The following FGF14 variants were observed in gnomAD, a reference collection of about 807,000 sequenced individuals.
The protein encoded by FGF14 is fibroblast growth factor homologous factor 4.
A neutral mutation model predicts 25.5 loss-of-function variants in FGF14; 5 were observed. The ratio of observed to expected loss-of-function variants is 0.20; its 90% confidence interval spans 0.10 to 0.41. The LOEUF is 0.41. Ranked by LOEUF, FGF14 falls within the 10% of genes least tolerant of loss-of-function variation. FGF14 has a pLI of 1.00. For synonymous variants in FGF14, 138 were observed against 118.3 expected (o/e 1.17, Z -1.08); for missense variants, 222 against 320.1 (o/e 0.69, Z 2.34).
At chr13:102,125,433 G>C (rs1434243364) in intron 1 of FGF14, among the ~76,000 whole-genome samples, 1 of 152,072 alleles carries the variant, frequency 6.6e-6, no homozygotes, top group African/African-American at 2.4e-5. Flanking sequence ...TAGAATCATA[G>C]AGCCAATTCT....
chr13:101,750,573 A>AC (rs2037204794), intron 3 of FGF14, among the ~76,000 whole-genome samples: 1 of 152,196 alleles, frequency 6.6e-6, no homozygotes, highest in Non-Finnish European at 1.5e-5. Context: ...AACAGGAGTG[A>AC]CTGTTATGTG....
At chr13:102,164,761 T>G (rs1305737282) in intron 1 of FGF14, among the ~76,000 whole-genome samples, 1 of 152,188 alleles carries the variant, frequency 6.6e-6, no homozygotes, top group Non-Finnish European at 1.5e-5. Flanking sequence ...GCTAGCTCAG[T>G]GCAGACAGAG....
chr13:102,161,573 G>GAAGAAAGAAGAAGAAGAAA (rs1555369405), intron 1 of FGF14, among the ~76,000 whole-genome samples: 1 of 5,486 alleles, frequency 1.8e-4, no homozygotes, highest in Non-Finnish European at 3.4e-4. Context: ...TGTGAAGAAA[G>GAAGAAAGAAGAAGAAGAAA]AAAGAAGAAG....
chr13:101,884,069 A>AAAAAAAAAAAAAAAAAAAG (rs2045865561), intron 1 of FGF14, among the ~76,000 whole-genome samples: 1 of 147,294 alleles, frequency 6.8e-6, no homozygotes, highest in Non-Finnish European at 1.5e-5. Flanking sequence ...TCTCAAAAAA[A>AAAAAAAAAAAAAAAAAAAG]AAAAAAAAAA....
At chr13:101,855,861 T>A (rs1210029987) in intron 3 of FGF14, among the ~76,000 whole-genome samples, 1 of 151,086 alleles carries the variant, frequency 6.6e-6, no homozygotes, top group Non-Finnish European at 1.5e-5. Context: ...GGATGATGCA[T>A]AAAAATTAAT....
At chr13:102,027,116 T>C (rs952122747) in intron 1 of FGF14, among the ~76,000 whole-genome samples, 1 of 151,958 alleles carries the variant, frequency 6.6e-6, no homozygotes, top group Non-Finnish European at 1.5e-5. Flanking sequence ...CAAGTCAAGG[T>C]TGGATTTAAA....
At chr13:102,285,497 A>T (rs1431786201) in intron 1 of FGF14, among the ~76,000 whole-genome samples, 2 of 152,198 alleles carry the variant, frequency 1.3e-5, no homozygotes, top group African/African-American at 2.4e-5. Context: ...GGTTACACTA[A>T]GAGTTAATAC....
chr13:102,399,143 A>G (rs1404039274), intron 1 of FGF14, among the ~76,000 whole-genome samples: 2 of 152,034 alleles, frequency 1.3e-5, no homozygotes, highest in Non-Finnish European at 2.9e-5. Context: ...TTCCAGAGAG[A>G]TGAAAGTGGG....
chr13:101,996,083 T>C (rs530059389), intron 1 of FGF14, among the ~76,000 whole-genome samples: 1 of 152,278 alleles, frequency 6.6e-6, no homozygotes, highest in Non-Finnish European at 1.5e-5. Context: ...TTATTTCACA[T>C]TGTATGCTTG....
chr13:101,948,637 C>T (rs571560191), intron 1 of FGF14, among the ~76,000 whole-genome samples: 20 of 151,920 alleles, frequency 1.3e-4, no homozygotes, highest in African/African-American at 3.9e-4. Flanking sequence ...CTTCCCAATA[C>T]ATAATGCTTC....
chr13:102,069,791 C>T (rs1434977746), intron 1 of FGF14, among the ~76,000 whole-genome samples: 1 of 152,192 alleles, frequency 6.6e-6, no homozygotes, highest in Non-Finnish European at 1.5e-5. Flanking sequence ...TCTGCGGCTT[C>T]ATTCTTGAAG....
intron 3 of FGF14, among the ~76,000 whole-genome samples, chr13:101,776,237 A>G (rs2039094860): frequency 6.6e-6 from 1 of 152,164 alleles, no homozygotes; most frequent in Non-Finnish European, 1.5e-5. Flanking sequence ...TTCATTTGTC[A>G]GCTAATCAGC....
intron 1 of FGF14, among the ~76,000 whole-genome samples, chr13:102,073,950 G>A (rs985538854): frequency 1.1e-4 from 16 of 152,090 alleles, no homozygotes; most frequent in South Asian, 4.1e-4. Flanking sequence ...ATTCTCATTC[G>A]CTCCCTCTCT....
At chr13:102,182,520 CTTATTA>C (rs1291778764) in intron 1 of FGF14, among the ~76,000 whole-genome samples, 1 of 152,004 alleles carries the variant, frequency 6.6e-6, no homozygotes, top group Non-Finnish European at 1.5e-5. Flanking sequence ...AAAACTGTTC[CTTATTA>C]TTATTAATAT....
intron 1 of FGF14, among the ~76,000 whole-genome samples, chr13:102,040,444 C>A (rs2041678790): frequency 6.6e-6 from 1 of 152,110 alleles, no homozygotes; most frequent in Non-Finnish European, 1.5e-5. Flanking sequence ...TGCATTTCCA[C>A]AATGACAGTT....
intron 1 of FGF14, among the ~76,000 whole-genome samples, chr13:101,897,521 T>C (rs1326251577): frequency 1.3e-5 from 2 of 152,140 alleles, no homozygotes; most frequent in East Asian, 1.9e-4. Context: ...CCCAGAGTTA[T>C]AGCAGCCTGG....
At chr13:102,282,629 C>T (rs2053901921) in intron 1 of FGF14, among the ~76,000 whole-genome samples, 1 of 152,124 alleles carries the variant, frequency 6.6e-6, no homozygotes, top group Non-Finnish European at 1.5e-5. Flanking sequence ...AGTTGTGCTT[C>T]CTAAAGCTGC....
chr13:102,199,696 G>C (rs1837253252), intron 1 of FGF14, among the ~76,000 whole-genome samples: 1 of 151,992 alleles, frequency 6.6e-6, no homozygotes, highest in African/African-American at 2.4e-5. Context: ...TCCACAGCCA[G>C]TCTACACTCT....
At chr13:102,156,505 A>G (rs1309187737) in intron 1 of FGF14, among the ~76,000 whole-genome samples, 2 of 152,186 alleles carry the variant, frequency 1.3e-5, no homozygotes, top group South Asian at 2.1e-4. Flanking sequence ...TTGATGGGAC[A>G]TATCTCAAAA....
Sources: gnomAD v4.1 joint callset for allele counts (sites outside exome capture counted in the v4.1 genomes callset) on GRCh38, gnomAD v4.1.1 for gene constraint, MANE v1.5 for transcripts, NCBI Gene and HGNC (gene_info 2026-07-23, HGNC 2026-07-21) for gene names.